The following SOX6 variants were observed in gnomAD, a reference collection of about 807,000 sequenced individuals.
The protein encoded by SOX6 is transcription factor SOX-6.
In SOX6, 11 loss-of-function variants were observed where a neutral mutation model predicts 97.8. The ratio of observed to expected loss-of-function variants is 0.11; its 90% CI spans 0.07 to 0.19. SOX6 has a LOEUF of 0.19. SOX6 is among the 10% of genes least tolerant of loss of function. The pLI is 1.00. For missense variants in SOX6, 810 were observed against 1,039.5 expected, an observed-to-expected ratio of 0.78 and a Z score of 3.04; for synonymous variants, 360 against 371.4, an observed-to-expected ratio of 0.97 and a Z score of 0.35.
At chr11:16,735,450 T>C (rs1848384307) in intron 2 of SOX6, among the ~76,000 whole-genome samples, 1 of 152,216 alleles carries the variant, frequency 6.6e-6, no homozygotes, top group Non-Finnish European at 1.5e-5. Flanking sequence ...CTGATGCCAT[T>C]TAATCATTCT....
intron 10 of SOX6, among the ~76,000 whole-genome samples, chr11:16,051,441 C>T (rs61881670): frequency 0.025 from 3,835 of 152,132 alleles, 68 homozygotes; most frequent in South Asian, 0.079. Flanking sequence ...TATAGTGATG[C>T]CACAGATTTT....
At chr11:16,290,423 C>T (rs1854880801) in intron 3 of SOX6, among the ~76,000 whole-genome samples, 1 of 151,984 alleles carries the variant, frequency 6.6e-6, no homozygotes, top group Admixed American at 6.6e-5. Flanking sequence ...TTATGACTAA[C>T]ACCTTGGCAT....
At chr11:16,565,425 A>G (rs555097641) in intron 4 of SOX6, among the ~76,000 whole-genome samples, 100 of 152,108 alleles carry the variant, frequency 6.6e-4, no homozygotes, top group African/African-American at 2.3e-3. Context: ...AGGAAACACT[A>G]CCCAATTTGT....
chr11:16,638,364 A>G (rs943685178), intron 3 of SOX6, among the ~76,000 whole-genome samples: 10 of 152,100 alleles, frequency 6.6e-5, no homozygotes, highest in African/African-American at 2.4e-4. Context: ...CGCAATAAAC[A>G]TATGTGTGCA....
rs557013203 is a variant in SOX6 at position 16,059,455 on chromosome 11, C to T, written c.1102-3554G>A. On this transcript the variant is annotated intron_variant, in intron 9 of 15. Coordinates refer to ENST00000683767, the MANE Select transcript of SOX6 (RefSeq NM_001367873.1). Reference sequence around the variant, plus strand: ...TGCCATATGAGTAGGGGAGAAAAAACAGGTGGTTTGAATGTAATTTCCAGC... The same window carrying T: ...TGCCATATGAGTAGGGGAGAAAAAATAGGTGGTTTGAATGTAATTTCCAGC... Among the ~76,000 whole-genome samples, 210 of 151,598 alleles carry T rather than the reference C, an allele frequency of 1.4e-3. 1 individual carries two copies. The highest frequency in any genetic ancestry group is 4.7e-3 in the African/African-American group (196 of 41,336).
intron 4 of SOX6, among the ~76,000 whole-genome samples, chr11:16,593,516 C>G: frequency 9.3e-6 from 1 of 107,894 alleles, no homozygotes; most frequent in South Asian, 4.0e-4. Flanking sequence ...CAAAATCCAC[C>G]TTTAGAAAAA....
intron 4 of SOX6, among the ~76,000 whole-genome samples, chr11:16,562,516 G>A (rs1847827114): frequency 6.6e-6 from 1 of 152,042 alleles, no homozygotes; most frequent in African/African-American, 2.4e-5. Flanking sequence ...GATAAACACT[G>A]GAGAAAAAAT....
At chr11:16,318,424 C>G (rs770158238) in intron 3 of SOX6, 22 bp downstream of exon 3, 30 of 1,610,142 alleles carry the variant, frequency 1.9e-5, no homozygotes, top group Non-Finnish European at 2.5e-5. Context: ...AAACAGAGCC[C>G]AACAGTGAAG....
chr11:16,447,858 AT>A (rs1859644336), intron 1 of SOX6, among the ~76,000 whole-genome samples: 1 of 152,238 alleles, frequency 6.6e-6, no homozygotes, highest in African/African-American at 2.4e-5. Context: ...GAAGGTGCAT[AT>A]AAGTGGTTGT....
At chr11:16,145,126 T>G (rs997783775) in intron 6 of SOX6, among the ~76,000 whole-genome samples, 11 of 152,200 alleles carry the variant, frequency 7.2e-5, no homozygotes, top group East Asian at 5.8e-4. Context: ...ACCGAATCCA[T>G]TAGCACATCA....
At chr11:16,004,254 T>A (rs1257843062) in intron 13 of SOX6, among the ~76,000 whole-genome samples, 1 of 151,940 alleles carries the variant, frequency 6.6e-6, no homozygotes, top group Non-Finnish European at 1.5e-5. Flanking sequence ...ATTGTCCAAG[T>A]CTCACGGTTA....
intron 2 of SOX6, among the ~76,000 whole-genome samples, chr11:16,728,843 T>C (rs1431986781): frequency 6.6e-6 from 1 of 152,146 alleles, no homozygotes; most frequent in Non-Finnish European, 1.5e-5. Context: ...GAAAAAAGGT[T>C]AGAGGAATTG....
At chr11:16,290,195 C>G (rs1045931522) in intron 3 of SOX6, among the ~76,000 whole-genome samples, 3 of 151,824 alleles carry the variant, frequency 2.0e-5, no homozygotes, top group African/African-American at 7.3e-5. Flanking sequence ...CAAACACAAC[C>G]AAAGCACAAT....
intron 4 of SOX6, among the ~76,000 whole-genome samples, chr11:16,200,162 C>T (rs546471192): frequency 2.0e-4 from 30 of 152,198 alleles, no homozygotes; most frequent in Middle Eastern, 3.4e-3. Flanking sequence ...ACAAGCCATT[C>T]TTTAGTTGAA....
At chr11:16,056,027 A>C (rs1847807582) in intron 9 of SOX6, 126 bp from the exon 10 acceptor site, 4 of 1,134,226 alleles carry the variant, frequency 3.5e-6, no homozygotes, top group Non-Finnish European at 5.0e-6. Flanking sequence ...ACTATTTTTA[A>C]AAAAGGAAGC....
chr11:16,500,429 C>T (rs1590224877), intron 4 of SOX6, among the ~76,000 whole-genome samples: 1 of 152,192 alleles, frequency 6.6e-6, no homozygotes. Context: ...CCCACCACTC[C>T]TATTCAACGT....
intron 2 of SOX6, among the ~76,000 whole-genome samples, chr11:16,716,365 G>A (rs1244763298): frequency 6.6e-6 from 1 of 152,192 alleles, no homozygotes; most frequent in Admixed American, 6.5e-5. Context: ...GCAACATAGA[G>A]AGAACCCATC....
At chr11:16,049,270 A>G (rs1458430726) in intron 11 of SOX6, among the ~76,000 whole-genome samples, 4 of 152,190 alleles carry the variant, frequency 2.6e-5, no homozygotes, top group African/African-American at 7.2e-5. Context: ...GCCAGACATT[A>G]TGACATCTTT....
intron 9 of SOX6, among the ~76,000 whole-genome samples, chr11:16,057,181 A>G (rs1847836359): frequency 6.6e-6 from 1 of 152,166 alleles, no homozygotes; most frequent in African/African-American, 2.4e-5. Flanking sequence ...AGTATAAAGG[A>G]AAATGAAAGT....
Sources: allele counts gnomAD v4.1 joint callset (sites outside exome capture counted in the v4.1 genomes callset), GRCh38; gene constraint gnomAD v4.1.1; transcripts MANE v1.5; gene names NCBI Gene and HGNC (gene_info 2026-07-23, HGNC 2026-07-21).